AFG3L2: variants seen among roughly 807,000 people sequenced by gnomAD.
AFG3L2 encodes mitochondrial inner membrane m-AAA protease component AFG3L2.
Under a neutral mutation model 94.5 loss-of-function variants are expected in AFG3L2, and 54 were observed. The ratio of observed to expected loss-of-function variants is 0.57; its 90% CI spans 0.46 to 0.72. AFG3L2 has a LOEUF of 0.72. Among genes scored for constraint, AFG3L2 ranks in the 30% least tolerant of loss-of-function variants. AFG3L2 has a pLI of 0.00. For missense variants in AFG3L2, 754 were observed against 994.9 expected (o/e 0.76, Z 3.26); for synonymous variants, 377 against 365.5 (o/e 1.03, Z -0.36).
chr18:12,354,140 C>CCA (rs1908415719), intron 9 of AFG3L2, among the ~76,000 whole-genome samples: 1 of 136,618 alleles, frequency 7.3e-6, no homozygotes, highest in African/African-American at 3.0e-5. Flanking sequence ...CCACCCCCCC[C>CCA]CCCCCACTTC....
intron 10 of AFG3L2, 116 bp from the exon 11 acceptor site, chr18:12,351,529 T>G (rs1461293015): frequency 1.1e-6 from 1 of 912,568 alleles, no homozygotes; most frequent in Non-Finnish European, 1.8e-6. Flanking sequence ...ACATTTTCTA[T>G]TCATTATCTA....
intron 13 of AFG3L2, 35 bp downstream of exon 13, chr18:12,348,238 A>T: frequency 6.4e-7 from 1 of 1,550,646 alleles, no homozygotes; most frequent in Non-Finnish European, 8.9e-7. Context: ...TCATTTTATC[A>T]GCCTTTCCAC....
In AFG3L2 at chr18:12,377,220, A is replaced by G; in HGVS notation, c.-138T>C. On this transcript the variant is annotated 5_prime_UTR_variant, in exon 1 of 17. Transcript: ENST00000269143. Reference sequence around the variant, plus strand: ...GCGCCGGCGGCTCACGGAGGAGCCCAAGCTCTCAACGCGGCGTCTCCTGCC... The same window carrying G: ...GCGCCGGCGGCTCACGGAGGAGCCCGAGCTCTCAACGCGGCGTCTCCTGCC... The G allele has an allele frequency of 1.5e-6, 1 of 689,532 alleles. No homozygotes were observed. Among genetic ancestry groups the G allele is most frequent in the Non-Finnish European group, 2.4e-6 (1 of 421,996 alleles). The allele number at this position is 689,532 out of a possible 1,614,324, so 42.7% of individuals were successfully genotyped here.
At chr18:12,331,687 A>C (rs1330322290) in intron 16 of AFG3L2, among the ~76,000 whole-genome samples, 2 of 151,984 alleles carry the variant, frequency 1.3e-5, no homozygotes, top group Non-Finnish European at 2.9e-5. Flanking sequence ...CCAGCTACTC[A>C]GGAGGCTGAG....
intron 3 of AFG3L2, among the ~76,000 whole-genome samples, chr18:12,369,902 A>C (rs1430422214): frequency 2.6e-5 from 2 of 78,226 alleles, no homozygotes; most frequent in African/African-American, 1.5e-4. Context: ...TAAAAATACA[A>C]AAAAAAAAAA....
chr18:12,354,888 T>A (rs938410875), intron 9 of AFG3L2, among the ~76,000 whole-genome samples: 1 of 151,812 alleles, frequency 6.6e-6, no homozygotes, highest in Non-Finnish European at 1.5e-5. Context: ...TTTCTATGAC[T>A]TATCTGCACA....
rs951081800 is a variant in AFG3L2, at chr18:12,329,128, T to A, written c.*437A>T. The A allele has an allele frequency of 2.8e-6, 2 of 702,884 alleles. No individual in the cohort carries two copies. The highest frequency in any genetic ancestry group is 5.2e-6 in the Non-Finnish European group (2 of 384,958). The allele number at this position is 702,884 out of a possible 1,614,324, so 43.5% of individuals were successfully genotyped here. ...CAAATTAAAATGTTCTTATCAAGACTCCAATTTAATTTCACAGCCCATCTG... is the reference window on the plus strand; with the variant it reads ...CAAATTAAAATGTTCTTATCAAGACACCAATTTAATTTCACAGCCCATCTG... On this transcript the variant is annotated 3_prime_UTR_variant, in exon 17 of 17. Transcript: ENST00000269143.
chr18:12,347,317 CCA>C (rs933515794), intron 13 of AFG3L2, among the ~76,000 whole-genome samples: 4 of 152,174 alleles, frequency 2.6e-5, no homozygotes, highest in African/African-American at 7.2e-5. Flanking sequence ...ACGTCACACC[CCA>C]GTTTCATCCT....
At chr18:12,347,776 C>T (rs1352423167) in intron 13 of AFG3L2, among the ~76,000 whole-genome samples, 4 of 152,112 alleles carry the variant, frequency 2.6e-5, no homozygotes, top group Non-Finnish European at 5.9e-5. Context: ...GTCTCAAACT[C>T]CTGACCTTGT....
At chr18:12,333,616 C>A (rs1027274471) in intron 16 of AFG3L2, among the ~76,000 whole-genome samples, 17 of 151,998 alleles carry the variant, frequency 1.1e-4, no homozygotes, top group Admixed American at 1.1e-3. Context: ...CCACCCACCT[C>A]AGCCTCCCAA....
Position 12,337,340 on chromosome 18 carries a change from C to T in AFG3L2, c.2175+1G>A. 6.2e-7 allele frequency: 1 copy of T among 1,613,752 alleles called. No individual in the cohort carries two copies. On this transcript the variant is annotated splice_donor_variant, in intron 16 of 16. Coordinates refer to ENST00000269143, the MANE Select transcript of AFG3L2 (RefSeq NM_006796.3). LOFTEE classifies it high-confidence loss of function. ...GAATTATTCCCACAACTGGCACCTA[C>T]CTTCTCCACGTCAGCTTTCTTTTCT...
intron 12 of AFG3L2, 115 bp downstream of exon 12, chr18:12,350,970 A>T (rs1908296295): frequency 7.2e-7 from 1 of 1,395,436 alleles, no homozygotes; most frequent in African/African-American, 1.4e-5. Context: ...ATGAGAATAT[A>T]AACTTAGGAA....
At position 12,351,433 on chromosome 18, in the gene AFG3L2, C is replaced by T. The variant is rs776937935; in HGVS notation, c.1319-20G>A. 5.6e-6 allele frequency: 9 copies of T among 1,605,932 alleles called. No homozygotes were observed. The highest frequency in any genetic ancestry group is 3.3e-5 in the South Asian group (3 of 90,844). On this transcript the variant is annotated intron_variant, in intron 10 of 16. Transcript: ENST00000269143. Reference sequence around the variant, plus strand: ...TAAAACCTGAAAGATAACAAAAATGCAAACACTATTAAATGACAAGAGGCA... The same window carrying T: ...TAAAACCTGAAAGATAACAAAAATGTAAACACTATTAAATGACAAGAGGCA...
At chr18:12,344,324 T>C (rs903701615) in intron 13 of AFG3L2, 77 bp from the exon 14 acceptor site, 1 of 1,177,556 alleles carries the variant, frequency 8.5e-7, no homozygotes, top group South Asian at 1.2e-5. Flanking sequence ...TACAGTGCTA[T>C]ACATTGCCTT....
chr18:12,360,054 A>G lies in AFG3L2; in HGVS notation c.628-3T>C. ...CCAATATTAAACCAAACGTATTGCT[A>G]TAAAAACAAAAAAACAAATATCCTA... is the stretch of plus-strand genomic sequence containing the variant. On this transcript the variant is annotated splice_polypyrimidine_tract_variant and splice_region_variant and intron_variant, in intron 6 of 16. Coordinates refer to ENST00000269143, the MANE Select transcript of AFG3L2 (RefSeq NM_006796.3). 2 of 1,613,948 alleles carry G rather than the reference A, an allele frequency of 1.2e-6. No homozygotes were observed. The highest frequency in any genetic ancestry group is 8.5e-7 in the Non-Finnish European group (1 of 1,179,824).
chr18:12,376,862 C>A (rs1909174843), intron 1 of AFG3L2, 107 bp downstream of exon 1: 2 of 875,500 alleles, frequency 2.3e-6, no homozygotes. Context: ...AGGGACGGCC[C>A]GCGTGCGGCC....
chr18:12,355,208 TA>T (rs11303145), intron 9 of AFG3L2, among the ~76,000 whole-genome samples: 96,272 of 139,174 alleles, frequency 0.69, 32,999 homozygotes, highest in Non-Finnish European at 0.78. Context: ...CAAAAAAAAT[TA>T]AAAAAAAAAA....
At chr18:12,353,679 CA>C (rs1455456228) in intron 9 of AFG3L2, among the ~76,000 whole-genome samples, 6 of 152,078 alleles carry the variant, frequency 3.9e-5, no homozygotes, top group Non-Finnish European at 8.8e-5. Context: ...TTAAGGTGAG[CA>C]AATCTTTCTC....
In AFG3L2 at chr18:12,367,040, A is replaced by G; in HGVS notation, c.477T>C (p.Phe159=). The G allele has an allele frequency of 7.4e-6, 12 of 1,614,222 alleles. No individual in the cohort carries two copies. The highest frequency in any genetic ancestry group is 9.3e-6 in the Non-Finnish European group (11 of 1,180,040). Residue 159 remains phenylalanine, a synonymous_variant, in exon 5 of 17, where the codon TTT becomes TTC. Transcript: ENST00000269143. ...TCCCGGATCTCTTGAGCAGCAAGTAAAACATGACTCCACCCCAGAACAGAG... is the reference window on the plus strand; with the variant it reads ...TCCCGGATCTCTTGAGCAGCAAGTAGAACATGACTCCACCCCAGAACAGAG... ...WTALFWGGVM[F]YLLLKRSGRE... is the part of the protein sequence containing the mutation.
Sources: allele counts gnomAD v4.1 joint callset (sites outside exome capture counted in the v4.1 genomes callset), GRCh38; gene constraint gnomAD v4.1.1; transcripts MANE v1.5; gene names NCBI Gene and HGNC (gene_info 2026-07-23, HGNC 2026-07-21).